Variants in TMEM164 observed in about 807,000 individuals in gnomAD.
TMEM164 encodes the protein RP13-360B22.2.
A neutral mutation model predicts 18.8 loss-of-function variants in TMEM164; 4 were observed. The ratio of observed to expected loss-of-function variants is 0.21; its 90% confidence interval spans 0.10 to 0.49. The LOEUF (loss-of-function observed/expected upper bound fraction) is 0.49, where lower values mean the gene tolerates loss of function less well. Ranked by LOEUF, TMEM164 falls within the 20% of genes least tolerant of loss-of-function variation. The probability of loss-of-function intolerance (pLI) is 0.98; values close to 1 mark genes in which losing one functional copy is unlikely to be tolerated. For synonymous variants in TMEM164, 86 were observed against 101.7 expected (o/e 0.85, Z 0.93); for missense variants, 108 against 239.9 (o/e 0.45, Z 3.63).
intron 3 of TMEM164, among the ~76,000 whole-genome samples, chrX:110,087,697 C>T (rs1357790348): frequency 1.8e-5 from 2 of 111,085 alleles, no homozygotes; most frequent in East Asian, 2.8e-4. Flanking sequence ...CATAGCAGAG[C>T]GCTGACACAC....
chrX:110,119,991 T>A (rs746681510), intron 4 of TMEM164, among the ~76,000 whole-genome samples: 2 of 112,220 alleles, frequency 1.8e-5, no homozygotes, highest in East Asian at 5.6e-4. Context: ...ACTGCCTTTG[T>A]TTTTCACATT....
At chrX:110,014,365 A>T (rs1442376256) in intron 2 of TMEM164, among the ~76,000 whole-genome samples, 1 of 111,856 alleles carries the variant, frequency 8.9e-6, no homozygotes, top group Non-Finnish European at 1.9e-5. Context: ...GTTAGCACCC[A>T]TGTAATAATT....
At chrX:110,021,673 G>C in intron 2 of TMEM164, among the ~76,000 whole-genome samples, 1 of 111,438 alleles carries the variant, frequency 9.0e-6, no homozygotes. Context: ...TAGTAGTAGG[G>C]AAGCTTCCAG....
At chrX:110,109,203 T>G in intron 4 of TMEM164, 57 bp downstream of exon 4, 2 of 1,078,274 alleles carry the variant, frequency 1.9e-6, no homozygotes, top group Non-Finnish European at 2.6e-6. Context: ...CTTGCCTATA[T>G]GCCCATGTGA....
intron 3 of TMEM164, among the ~76,000 whole-genome samples, chrX:110,100,465 G>A (rs998795024): frequency 9.0e-6 from 1 of 111,409 alleles, no homozygotes; most frequent in African/African-American, 3.3e-5. Context: ...GTACTTTTTA[G>A]TCTTTTTTAG....
chrX:110,020,966 T>C (rs1397017827), intron 2 of TMEM164, among the ~76,000 whole-genome samples: 1 of 68,004 alleles, frequency 1.5e-5, no homozygotes, highest in Admixed American at 1.9e-4. Flanking sequence ...AACCCCTTTT[T>C]CTAAAAAAAA....
Position 110,109,038 on chromosome X carries a change from G to A in TMEM164, c.441-42G>A, listed in dbSNP as rs369150336. On this transcript the variant is annotated intron_variant, in intron 3 of 6. Transcript: ENST00000372068. The stretch of plus-strand genomic sequence containing the variant: ...GTGTCTTTTTTCTCCCTTTGTATCA[G>A]GGTCTGAGTATGACCTGAACTTTAT... 2.6e-6 allele frequency: 3 copies of A among 1,160,374 alleles called. No individual in the cohort carries two copies. The African/African-American group carries it at 5.4e-5, about 21-fold the overall frequency.
intron 2 of TMEM164, among the ~76,000 whole-genome samples, chrX:110,031,657 T>G (rs1488810251): frequency 1.8e-5 from 2 of 110,533 alleles, no homozygotes; most frequent in African/African-American, 6.6e-5. Flanking sequence ...TTAAAAAGGT[T>G]TTTTTGCTTA....
chrX:110,164,702 AT>A (rs1224764905), intron 5 of TMEM164, among the ~76,000 whole-genome samples: 1 of 111,416 alleles, frequency 9.0e-6, no homozygotes, highest in East Asian at 2.8e-4. Flanking sequence ...CATGACCCAT[AT>A]GTCTGTAGAT....
At chrX:110,006,788 A>T in intron 2 of TMEM164, among the ~76,000 whole-genome samples, 1 of 112,624 alleles carries the variant, frequency 8.9e-6, no homozygotes, top group Middle Eastern at 4.6e-3. Flanking sequence ...GTTTCCTGCA[A>T]CAGTGTATAT....
At chrX:110,070,399 C>G (rs1408970363) in intron 3 of TMEM164, among the ~76,000 whole-genome samples, 2 of 112,046 alleles carry the variant, frequency 1.8e-5, no homozygotes, top group Non-Finnish European at 3.8e-5. Flanking sequence ...ATTCACCTAC[C>G]TCTCTCAAAT....
upstream of TMEM164, chrX:110,002,713 G>A (rs946559548): frequency 1.8e-5 from 2 of 111,070 alleles, no homozygotes; most frequent in Non-Finnish European, 3.8e-5. Context: ...CCGAGCGCCC[G>A]GCGCGGAGAG....
At chrX:110,102,078 C>T (rs1181243774) in intron 3 of TMEM164, among the ~76,000 whole-genome samples, 2 of 106,018 alleles carry the variant, frequency 1.9e-5, no homozygotes, top group African/African-American at 6.9e-5. Context: ...GTAATCCTAG[C>T]ACTTTGGGAG....
chrX:110,143,279 A>G (rs954197458), intron 4 of TMEM164, among the ~76,000 whole-genome samples: 1 of 112,211 alleles, frequency 8.9e-6, no homozygotes, highest in Non-Finnish European at 1.9e-5. Flanking sequence ...ATGTGAAATC[A>G]TTTGAAAAGC....
intron 5 of TMEM164, among the ~76,000 whole-genome samples, chrX:110,145,778 T>C (rs1247064948): frequency 8.9e-6 from 1 of 111,939 alleles, no homozygotes; most frequent in African/African-American, 3.3e-5. Context: ...TGCTGCTTCT[T>C]GGCTTATGCG....
chrX:110,048,607 T>C (rs1935415074), intron 2 of TMEM164, among the ~76,000 whole-genome samples: 1 of 110,820 alleles, frequency 9.0e-6, no homozygotes, highest in Non-Finnish European at 1.9e-5. Context: ...GAATTAGAAC[T>C]TAGGCCTTCT....
intron 4 of TMEM164, among the ~76,000 whole-genome samples, chrX:110,111,042 C>G (rs1476061577): frequency 8.9e-6 from 1 of 112,087 alleles, no homozygotes; most frequent in Non-Finnish European, 1.9e-5. Flanking sequence ...TTGGGGAGGG[C>G]AGGGGGCACA....
Position 110,109,410 on chromosome X carries a change from C to T in TMEM164, c.507+264C>T, listed in dbSNP as rs370296101. Reference sequence around the variant, plus strand: ...GTATTTGCCTGCAATCCCAGCTACTCGGGAGGCTAAGGCAGAAGAATCGCT... The same window carrying T: ...GTATTTGCCTGCAATCCCAGCTACTTGGGAGGCTAAGGCAGAAGAATCGCT... On this transcript the variant is annotated intron_variant, in intron 4 of 6. Coordinates refer to ENST00000372068, the MANE Select transcript of TMEM164 (RefSeq NM_032227.4). Among the ~76,000 whole-genome samples, 11 of 111,544 alleles carry T rather than the reference C, an allele frequency of 9.9e-5. No individual in the cohort carries two copies. The East Asian group carries it at 2.3e-3, about 23-fold the overall frequency.
At chrX:110,072,323 T>C (rs1249276208) in intron 3 of TMEM164, among the ~76,000 whole-genome samples, 1 of 107,802 alleles carries the variant, frequency 9.3e-6, no homozygotes, top group Non-Finnish European at 1.9e-5. Context: ...AAAAAGAAAT[T>C]ATGTATCTTT....
Sources: allele counts gnomAD v4.1 joint callset (sites outside exome capture counted in the v4.1 genomes callset), GRCh38; gene constraint gnomAD v4.1.1; transcripts MANE v1.5; gene names NCBI Gene and HGNC (gene_info 2026-07-23, HGNC 2026-07-21).